PRH1: variants seen among roughly 807,000 people sequenced by gnomAD.
PRH1 encodes salivary acidic proline-rich phosphoprotein 1/2.
In PRH1, 7 loss-of-function variants were observed where a neutral mutation model predicts 7.9. The ratio of observed to expected loss-of-function variants is 0.89; its 90% confidence interval spans 0.50 to 1.67. PRH1 has a LOEUF of 1.67. Among genes scored for constraint, PRH1 ranks in the 40% most tolerant of loss-of-function variants. The pLI, the probability that PRH1 is intolerant of heterozygous loss-of-function variation, is 0.00. For missense variants in PRH1, 109 were observed against 223.6 expected (o/e 0.49, Z 3.27); for synonymous variants, 45 against 80.8 (o/e 0.56, Z 2.38).
chr12:10,958,149 A>G (rs954257982), intron 2 of PRH1, among the ~76,000 whole-genome samples: 1 of 152,326 alleles, frequency 6.6e-6, no homozygotes, highest in East Asian at 1.9e-4. Context: ...TAGCAAAGAC[A>G]TGGAATAAAC....
At chr12:11,158,157 A>G (rs957643343) in intron 1 of PRH1, among the ~76,000 whole-genome samples, 5 of 152,088 alleles carry the variant, frequency 3.3e-5, no homozygotes, top group African/African-American at 1.2e-4. Flanking sequence ...TCATATGGAC[A>G]TATCCATTTC....
intron 1 of PRH1, among the ~76,000 whole-genome samples, chr12:11,110,039 G>C (rs1490950421): frequency 6.6e-6 from 1 of 151,954 alleles, no homozygotes; most frequent in African/African-American, 2.4e-5. Flanking sequence ...ATATCAATAG[G>C]TGAACCAATC....
intron 1 of PRH1, among the ~76,000 whole-genome samples, chr12:11,159,916 C>G (rs186313783): frequency 6.6e-6 from 1 of 152,296 alleles, no homozygotes; most frequent in Non-Finnish European, 1.5e-5. Flanking sequence ...AGATACAAAG[C>G]TTCATGAATA....
intron 1 of PRH1, among the ~76,000 whole-genome samples, chr12:10,978,704 A>G (rs1939216967): frequency 6.6e-6 from 1 of 152,186 alleles, no homozygotes; most frequent in Non-Finnish European, 1.5e-5. Context: ...CAGAATCTAT[A>G]AGGAACTTGA....
chr12:11,074,673 A>G (rs374970889), intron 1 of PRH1, among the ~76,000 whole-genome samples: 3 of 115,040 alleles, frequency 2.6e-5, no homozygotes, highest in East Asian at 4.2e-4. Flanking sequence ...CAAAACAAGT[A>G]TCTCTTAGAA....
At chr12:11,021,905 C>A in intron 1 of PRH1, 2 of 1,614,174 alleles carry the variant, frequency 1.2e-6, no homozygotes, top group South Asian at 1.1e-5. Context: ...TTTATATGGA[C>A]CTTGGTGCTG....
chr12:11,009,648 A>C (rs927080027), intron 1 of PRH1, among the ~76,000 whole-genome samples: 1 of 151,940 alleles, frequency 6.6e-6, no homozygotes, highest in African/African-American at 2.4e-5. Context: ...TAATAGAATA[A>C]AAGCTTGGTC....
At chr12:11,015,379 T>TCTTCCAAGAGACTTCCAATA (rs1294181298) in intron 1 of PRH1, among the ~76,000 whole-genome samples, 1 of 149,692 alleles carries the variant, frequency 6.7e-6, no homozygotes, top group Non-Finnish European at 1.5e-5. Context: ...CTTCCAAGTG[T>TCTTCCAAGAGACTTCCAATA]ACTTTCCTTT....
chr12:11,129,792 G>T (rs1251968267), intron 1 of PRH1, among the ~76,000 whole-genome samples: 3 of 152,288 alleles, frequency 2.0e-5, no homozygotes, highest in Non-Finnish European at 2.9e-5. Flanking sequence ...GTATGTCAGG[G>T]CTATGTCACT....
At chr12:11,040,062 A>T (rs891448984) in intron 1 of PRH1, among the ~76,000 whole-genome samples, 18 of 152,172 alleles carry the variant, frequency 1.2e-4, no homozygotes, top group Admixed American at 4.6e-4. Flanking sequence ...GTTTAATTAA[A>T]ATACTCAGCA....
At chr12:11,027,872 T>C (rs2418277) in intron 1 of PRH1, among the ~76,000 whole-genome samples, 2 of 152,136 alleles carry the variant, frequency 1.3e-5, no homozygotes, top group Admixed American at 6.5e-5. Flanking sequence ...ACAAACAAAA[T>C]AGCAAGTGCA....
rs202167622 is a variant in PRH1 at position 11,035,271 on chromosome 12, G to C, written c.-126+11749C>G. On this transcript the variant is annotated intron_variant, in intron 1 of 3. Coordinates refer to the PRH1 transcript ENST00000539853. Reference sequence around the variant, plus strand: ...CCCCATTTGTTCTCTTCTAATTTTCGGGAACTGCAGAAGTATGTTAGTTGT... The same window carrying C: ...CCCCATTTGTTCTCTTCTAATTTTCCGGAACTGCAGAAGTATGTTAGTTGT... Among the ~76,000 whole-genome samples the C allele has an allele frequency of 6.3e-5, 9 of 142,412 alleles. No homozygotes were observed. The East Asian group carries it at 2.1e-3, about 34-fold the overall frequency. 93.4% of individuals were successfully genotyped at this position (142,412 alleles called of 152,430 possible). A position where few individuals can be genotyped will look rare whatever the true frequency, so the allele number is the denominator to read the frequency against.
chr12:10,953,549 A>G (rs1338565256), intron 2 of PRH1, among the ~76,000 whole-genome samples: 1 of 152,236 alleles, frequency 6.6e-6, no homozygotes. Flanking sequence ...TTACTCAGTC[A>G]GGCAAAAATA....
chr12:11,103,619 C>T (rs1447238818), intron 1 of PRH1, among the ~76,000 whole-genome samples: 1 of 151,960 alleles, frequency 6.6e-6, no homozygotes, highest in Non-Finnish European at 1.5e-5. Context: ...AGCACACCAA[C>T]AAGCACATGT....
chr12:10,897,921 T>C (rs903407068), intron 2 of PRH1, among the ~76,000 whole-genome samples: 1 of 152,160 alleles, frequency 6.6e-6, no homozygotes, highest in African/African-American at 2.4e-5. Flanking sequence ...ATAAAATGGC[T>C]GTTATTTTAC....
At chr12:11,091,771 C>CATA in intron 1 of PRH1, 1 of 1,223,606 alleles carries the variant, frequency 8.2e-7, no homozygotes, top group Non-Finnish European at 1.2e-6. Context: ...CTTTTGTCCG[C>CATA]ACAATCTCAT....
At chr12:10,969,163 C>T (rs1361582183) in intron 2 of PRH1, among the ~76,000 whole-genome samples, 2 of 152,184 alleles carry the variant, frequency 1.3e-5, no homozygotes, top group African/African-American at 2.4e-5. Context: ...CCCTGAAGTC[C>T]GGCTGTCTCC....
intron 1 of PRH1, among the ~76,000 whole-genome samples, chr12:11,146,013 AAAGT>A (rs1946849360): frequency 6.6e-6 from 1 of 152,140 alleles, no homozygotes; most frequent in African/African-American, 2.4e-5. Context: ...TGCATATCAA[AAAGT>A]ATGTGTACAT....
At chr12:10,937,204 TTC>T (rs61659284) in intron 2 of PRH1, among the ~76,000 whole-genome samples, 57,839 of 146,950 alleles carry the variant, frequency 0.39, 11,394 homozygotes, top group African/African-American at 0.45. Flanking sequence ...GCAATTTTAT[TTC>T]TCTCTCTCTC....
Sources: allele counts gnomAD v4.1 joint callset (sites outside exome capture counted in the v4.1 genomes callset), GRCh38; gene constraint gnomAD v4.1.1; transcripts MANE v1.5; gene names NCBI Gene and HGNC (gene_info 2026-07-23, HGNC 2026-07-21).